The following RNF6 variants were observed in gnomAD, a reference collection of about 807,000 sequenced individuals.
The protein encoded by RNF6 is E3 ubiquitin-protein ligase RNF6.
In RNF6, 21 loss-of-function variants were observed where a neutral mutation model predicts 50.1. The observed-to-expected ratio is 0.42, with a 90% CI of 0.30 to 0.60. RNF6 has a LOEUF of 0.60. Ranked by LOEUF, RNF6 falls within the 20% of genes least tolerant of loss-of-function variation. The pLI is 0.20. For missense variants in RNF6, 698 were observed against 838.2 expected (o/e 0.83, Z 2.07); for synonymous variants, 255 against 291.8 (o/e 0.87, Z 1.29).
At chr13:26,150,427 G>A (rs1279793062) in intron 5 of RNF6, among the ~76,000 whole-genome samples, 1 of 151,970 alleles carries the variant, frequency 6.6e-6, no homozygotes, top group Non-Finnish European at 1.5e-5. Flanking sequence ...TAGCAGATAG[G>A]GTCAGAGCAA....
chr13:26,199,074 C>A (rs1868793315), intron 5 of RNF6, among the ~76,000 whole-genome samples: 1 of 151,724 alleles, frequency 6.6e-6, no homozygotes, highest in African/African-American at 2.4e-5. Flanking sequence ...AGATTCAGTG[C>A]AATCCCACTC....
chr13:26,212,309 T>C (rs1050674140), downstream of RNF6, among the ~76,000 whole-genome samples: 3 of 152,170 alleles, frequency 2.0e-5, no homozygotes, highest in Admixed American at 2.0e-4. Flanking sequence ...CAGTCTTAGA[T>C]CCTCAAACTG....
In RNF6 at chr13:26,214,199, T is replaced by C; in HGVS notation, c.1683A>G (p.Arg561=). ...GENETTQPHT[R]NSDSRGGRQL... ...GCCTGCCACCCCTACTGTCACTGTT[T>C]CGAGTATGAGGCTGGGTGGTCTCGT... is the stretch of plus-strand genomic sequence containing the variant. Residue 561 remains arginine, a synonymous_variant, in exon 5 of 5, where the codon CGA becomes CGG. Transcript: ENST00000381588. 6.2e-7 allele frequency: 1 copy of C among 1,614,230 alleles called. No homozygotes were observed. Among genetic ancestry groups the C allele is most frequent in the Non-Finnish European group, 8.5e-7 (1 of 1,180,048 alleles).
At position 26,203,425 on chromosome 13, in the gene RNF6, G is replaced by A. The variant is rs117438590; in HGVS notation, n.768+12049C>T. Among the ~76,000 whole-genome samples, 861 of 152,354 alleles carry A rather than the reference G, an allele frequency of 5.7e-3. 6 individuals are homozygous for A. The highest frequency in any genetic ancestry group is 0.027 in the Middle Eastern group (8 of 294). The stretch of plus-strand genomic sequence containing the variant: ...AACCAAATTGTGATTGTTTCTAAAT[G>A]TGCTAAGGATGTTAAATATTTGTGG... On this transcript the variant is annotated intron_variant and non_coding_transcript_variant, in intron 5 of 5. Transcript: ENST00000468480.
At position 26,151,108 on chromosome 13, in the gene RNF6, A is replaced by G. The variant is rs117529256; in HGVS notation, n.769-18657T>C. Reference sequence around the variant, plus strand: ...CCCTTGAGTGTGACACTATCACGTGATAGAAAAGTCACCAGTGCAACTACT... The same window carrying G: ...CCCTTGAGTGTGACACTATCACGTGGTAGAAAAGTCACCAGTGCAACTACT... On this transcript the variant is annotated intron_variant and non_coding_transcript_variant, in intron 5 of 5. Coordinates refer to the RNF6 transcript ENST00000468480. 1.6e-3 allele frequency among the ~76,000 whole-genome samples: 238 copies of G among 152,368 alleles called. 2 individuals carry two copies. The highest frequency in any genetic ancestry group is 3.1e-3 in the Non-Finnish European group (211 of 68,036).
chr13:26,219,419 A>AT, intron 3 of RNF6, 38 bp downstream of exon 3: 1 of 1,464,628 alleles, frequency 6.8e-7, no homozygotes, highest in Non-Finnish European at 9.3e-7. Flanking sequence ...CATCTAAATG[A>AT]TGAAAAAAGG....
rs906116217 is a variant in RNF6, at chr13:26,221,257, C to T, written c.-28G>A. On this transcript the variant is annotated 5_prime_UTR_variant, in exon 2 of 5. Transcript: ENST00000381588. The stretch of plus-strand genomic sequence containing the variant: ...AAAACAAAGCGAATACCTTATTTTC[C>T]TTTCAACACGCTTTTAACATATGCC... The T allele has an allele frequency of 6.6e-6, 1 of 152,158 alleles. No homozygotes were observed. Among genetic ancestry groups the T allele is most frequent in the Non-Finnish European group, 1.5e-5 (1 of 68,034 alleles). The allele number at this position is 152,158 out of a possible 1,614,324, so 9.4% of individuals were successfully genotyped here.
At chr13:26,148,395 A>C (rs773370376) in intron 5 of RNF6, among the ~76,000 whole-genome samples, 8 of 151,770 alleles carry the variant, frequency 5.3e-5, no homozygotes, top group Non-Finnish European at 1.0e-4. Context: ...TAATTGTGAT[A>C]ATTTGCATAT....
intron 5 of RNF6, chr13:26,154,160 A>G (rs1203979801): frequency 6.6e-6 from 1 of 152,294 alleles, no homozygotes; most frequent in Non-Finnish European, 1.5e-5. Flanking sequence ...ATGACCACAC[A>G]CTGTACTTGG....
intron 5 of RNF6, among the ~76,000 whole-genome samples, chr13:26,152,943 A>G (rs1011420130): frequency 6.6e-6 from 1 of 152,066 alleles, no homozygotes; most frequent in Non-Finnish European, 1.5e-5. Context: ...TCATGAGGTC[A>G]GGAGTTCGAG....
At position 26,214,749 on chromosome 13, in the gene RNF6, A is replaced by T. The variant is rs888444584; in HGVS notation, c.1133T>A (p.Val378Glu). 1 of 1,614,002 alleles carries T rather than the reference A, an allele frequency of 6.2e-7. No homozygotes were observed. Among genetic ancestry groups the T allele is most frequent in the African/African-American group, 1.3e-5 (1 of 74,880 alleles). The change falls in exon 5 of 5, where the codon GTA becomes GAA. Residue 378 changes from valine to glutamate, a missense_variant. Coordinates refer to ENST00000381588, the MANE Select transcript of RNF6 (RefSeq NM_005977.4). ...TCTGCTGGATTCTTCTCCTTCTTCT[A>T]CTGTTATTCTTGACACAAGCCTTGA... The part of the protein sequence containing the change: ...SNSRLVSRIT[V>E]EEGEESSRSS...
intron 5 of RNF6, among the ~76,000 whole-genome samples, chr13:26,162,867 C>T (rs558766825): frequency 1.5e-4 from 23 of 152,324 alleles, no homozygotes; most frequent in African/African-American, 4.8e-4. Flanking sequence ...ATATTTATAA[C>T]ATCTCTGTAG....
intron 2 of RNF6, among the ~76,000 whole-genome samples, chr13:26,220,720 G>A (rs1383160372): frequency 6.6e-6 from 1 of 152,160 alleles, no homozygotes; most frequent in Admixed American, 6.5e-5. Context: ...ACAATTTCTG[G>A]CATGTCACTA....
chr13:26,141,146 C>T (rs1289856701), intron 5 of RNF6, among the ~76,000 whole-genome samples: 2 of 152,018 alleles, frequency 1.3e-5, no homozygotes, highest in Non-Finnish European at 2.9e-5. Context: ...TCATATGGAA[C>T]CAAAGAAGAG....
At chr13:26,190,596 T>C (rs548383940) in intron 5 of RNF6, among the ~76,000 whole-genome samples, 1 of 152,244 alleles carries the variant, frequency 6.6e-6, no homozygotes, top group Admixed American at 6.5e-5. Flanking sequence ...TTCACATACA[T>C]GGGTTCTTAC....
intron 1 of RNF6, 72 bp from the exon 2 acceptor site, chr13:26,221,402 C>T (rs1313769531): frequency 1.3e-5 from 2 of 152,154 alleles, no homozygotes; most frequent in Non-Finnish European, 2.9e-5. Context: ...GTGGTAGTCT[C>T]CCCACTCTGC....
intron 5 of RNF6, among the ~76,000 whole-genome samples, chr13:26,145,766 C>CTGCAGGAT (rs1268527902): frequency 6.6e-6 from 1 of 152,212 alleles, no homozygotes; most frequent in East Asian, 1.9e-4. Flanking sequence ...TCTGAAATCA[C>CTGCAGGAT]TGCAGGATTG....
chr13:26,193,199 G>T (rs1395198845), intron 5 of RNF6, among the ~76,000 whole-genome samples: 1 of 152,030 alleles, frequency 6.6e-6, no homozygotes, highest in African/African-American at 2.4e-5. Flanking sequence ...TATAACTTTG[G>T]GAGGAATCAG....
chr13:26,220,639 T>A (rs1870382314), intron 2 of RNF6, among the ~76,000 whole-genome samples: 1 of 152,206 alleles, frequency 6.6e-6, no homozygotes, highest in Non-Finnish European at 1.5e-5. Context: ...ATTAGAGTTT[T>A]CCAGGGTAGG....
Sources: gnomAD v4.1 joint callset for allele counts (sites outside exome capture counted in the v4.1 genomes callset) on GRCh38, gnomAD v4.1.1 for gene constraint, MANE v1.5 for transcripts, NCBI Gene and HGNC (gene_info 2026-07-23, HGNC 2026-07-21) for gene names.